The following ZNF385D variants were observed in gnomAD, a reference collection of about 807,000 sequenced individuals.
ZNF385D encodes zinc finger protein 659.
Under a neutral mutation model 35.8 loss-of-function variants are expected in ZNF385D, and 15 were observed. The ratio of observed to expected loss-of-function variants is 0.42; its 90% CI spans 0.28 to 0.64. The LOEUF (loss-of-function observed/expected upper bound fraction) is 0.64, where lower values mean the gene tolerates loss of function less well. Ranked by LOEUF, ZNF385D falls within the 30% of genes least tolerant of loss-of-function variation. ZNF385D has a pLI of 0.23. For missense variants in ZNF385D, 474 were observed against 494.6 expected (o/e 0.96, Z 0.39); for synonymous variants, 212 against 186.8 (o/e 1.13, Z -1.10).
chr3:22,320,525 A>G (rs1229038098), intron 2 of ZNF385D, among the ~76,000 whole-genome samples: 1 of 151,524 alleles, frequency 6.6e-6, no homozygotes, highest in African/African-American at 2.4e-5. Flanking sequence ...GGAAATATTT[A>G]TTAGATTTAA....
At chr3:22,128,707 A>G (rs1576367809) in intron 3 of ZNF385D, among the ~76,000 whole-genome samples, 1 of 152,128 alleles carries the variant, frequency 6.6e-6, no homozygotes, top group East Asian at 1.9e-4. Flanking sequence ...AGAGCAGCAG[A>G]ATTTTGAAGA....
chr3:22,111,407 T>A (rs1025775389), intron 3 of ZNF385D, among the ~76,000 whole-genome samples: 1 of 151,822 alleles, frequency 6.6e-6, no homozygotes, highest in African/African-American at 2.4e-5. Flanking sequence ...GACACATGGA[T>A]TGGACAAAGC....
chr3:21,705,738 C>G lies in ZNF385D; in HGVS notation c.23-40710G>C, dbSNP rs1268777866. Among the ~76,000 whole-genome samples the G allele has an allele frequency of 8.5e-5, 13 of 152,200 alleles. 1 individual carries two copies. The highest frequency in any genetic ancestry group is 1.6e-4 in the Non-Finnish European group (11 of 68,044). On this transcript the variant is annotated intron_variant, in intron 1 of 7. Coordinates refer to ENST00000281523, the MANE Select transcript of ZNF385D (RefSeq NM_024697.3). Reference sequence around the variant, plus strand: ...GTTCCATTGCTTCTTTCCACCACCCCCAAAATCCACTTGCTCCCACATGCC... The same window carrying G: ...GTTCCATTGCTTCTTTCCACCACCCGCAAAATCCACTTGCTCCCACATGCC...
At chr3:21,664,508 AATAG>A (rs1269914332) in intron 2 of ZNF385D, among the ~76,000 whole-genome samples, 20 of 152,318 alleles carry the variant, frequency 1.3e-4, no homozygotes, top group South Asian at 1.0e-3. Context: ...TGGAAATTAA[AATAG>A]ATAGAAGAAA....
intron 3 of ZNF385D, among the ~76,000 whole-genome samples, chr3:21,552,375 A>T (rs2062598312): frequency 6.6e-6 from 1 of 152,336 alleles, no homozygotes; most frequent in East Asian, 1.9e-4. Flanking sequence ...ATAAGTAAAC[A>T]AAGTTAACAT....
intron 1 of ZNF385D, among the ~76,000 whole-genome samples, chr3:21,724,308 C>A (rs571337465): frequency 2.0e-5 from 3 of 151,698 alleles, no homozygotes; most frequent in South Asian, 4.2e-4. Flanking sequence ...ACAATATTAA[C>A]CTTAAATGTA....
intron 2 of ZNF385D, among the ~76,000 whole-genome samples, chr3:22,310,276 T>G (rs932056062): frequency 6.6e-6 from 1 of 152,062 alleles, no homozygotes; most frequent in African/African-American, 2.4e-5. Context: ...TTACTACAGG[T>G]AAGATAAAAC....
At chr3:22,284,384 G>C (rs1701920962) in intron 2 of ZNF385D, among the ~76,000 whole-genome samples, 1 of 151,870 alleles carries the variant, frequency 6.6e-6, no homozygotes, top group Admixed American at 6.6e-5. Flanking sequence ...TAGAGATGGA[G>C]TTTCACCGTG....
chr3:21,721,548 T>G (rs1433751003), intron 1 of ZNF385D, among the ~76,000 whole-genome samples: 1 of 152,026 alleles, frequency 6.6e-6, no homozygotes, highest in Non-Finnish European at 1.5e-5. Context: ...GATTTAATAA[T>G]CAAAATGAGG....
intron 3 of ZNF385D, among the ~76,000 whole-genome samples, chr3:21,866,600 G>A (rs1006937838): frequency 4.6e-5 from 7 of 152,148 alleles, no homozygotes; most frequent in Admixed American, 2.6e-4. Context: ...GTAGGTATGG[G>A]GTGGAACCCA....
intron 1 of ZNF385D, among the ~76,000 whole-genome samples, chr3:21,749,786 G>A (rs4858355): frequency 0.65 from 98,221 of 152,038 alleles, 32,183 homozygotes; most frequent in South Asian, 0.79. Context: ...ACACTCTCAA[G>A]TGTCTCAAAG....
At chr3:21,961,227 T>TA (rs1702571106) in intron 3 of ZNF385D, among the ~76,000 whole-genome samples, 1 of 152,078 alleles carries the variant, frequency 6.6e-6, no homozygotes, top group African/African-American at 2.4e-5. Context: ...AAGAAAATAA[T>TA]TTTTAAATGA....
chr3:21,724,777 G>A (rs189724973), intron 1 of ZNF385D, among the ~76,000 whole-genome samples: 6 of 152,148 alleles, frequency 3.9e-5, no homozygotes, highest in Admixed American at 2.0e-4. Context: ...AGATCAACAA[G>A]ACAGAAAGTT....
At chr3:22,134,478 G>C (rs560403028) in intron 3 of ZNF385D, 1 of 152,034 alleles carries the variant, frequency 6.6e-6, no homozygotes, top group Non-Finnish European at 1.5e-5. Flanking sequence ...GAAGAATATG[G>C]AAGATCTAAA....
At chr3:21,641,688 T>C (rs1397666496) in intron 2 of ZNF385D, among the ~76,000 whole-genome samples, 3 of 150,064 alleles carry the variant, frequency 2.0e-5, no homozygotes, top group Non-Finnish European at 4.4e-5. Flanking sequence ...GTTGCCCAGA[T>C]TGATCTTGAA....
chr3:22,319,428 G>C (rs915869462), intron 2 of ZNF385D, among the ~76,000 whole-genome samples: 20 of 151,894 alleles, frequency 1.3e-4, no homozygotes, highest in Non-Finnish European at 2.9e-5. Context: ...ATTATAAAAT[G>C]TGGGACACAA....
intron 2 of ZNF385D, among the ~76,000 whole-genome samples, chr3:22,222,328 C>CA (rs1323343853): frequency 6.7e-6 from 1 of 149,418 alleles, no homozygotes; most frequent in Admixed American, 6.6e-5. Context: ...CCCCAAATTT[C>CA]AAAAAAAGAA....
intron 3 of ZNF385D, among the ~76,000 whole-genome samples, chr3:22,074,143 G>A (rs865876587): frequency 6.6e-6 from 1 of 151,890 alleles, no homozygotes; most frequent in African/African-American, 2.4e-5. Flanking sequence ...AAGACATCTA[G>A]AGGGAACTTC....
chr3:21,750,202 C>A (rs1027662425), intron 1 of ZNF385D, among the ~76,000 whole-genome samples: 28 of 152,358 alleles, frequency 1.8e-4, no homozygotes, highest in African/African-American at 6.5e-4. Flanking sequence ...CAGTGCTCAA[C>A]TGATAGCTCG....
Sources: gnomAD v4.1 joint callset for allele counts (sites outside exome capture counted in the v4.1 genomes callset) on GRCh38, gnomAD v4.1.1 for gene constraint, MANE v1.5 for transcripts, NCBI Gene and HGNC (gene_info 2026-07-23, HGNC 2026-07-21) for gene names.